The following PTPRG variants were observed in gnomAD, a reference collection of about 807,000 sequenced individuals.
PTPRG encodes the protein protein tyrosine phosphatase receptor type G, also known as receptor-type tyrosine-protein phosphatase gamma.
A neutral mutation model predicts 165.3 loss-of-function variants in PTPRG; 102 were observed. The observed-to-expected ratio is 0.62, with a 90% CI of 0.53 to 0.73. The LOEUF (loss-of-function observed/expected upper bound fraction) is 0.73, where lower values mean the gene tolerates loss of function less well. Among genes scored for constraint, PTPRG ranks in the 30% least tolerant of loss-of-function variants. PTPRG has a pLI of 0.00. For missense variants in PTPRG, 1,866 were observed against 1,861.4 expected, an observed-to-expected ratio of 1.00 and a Z score of -0.05; for synonymous variants, 675 against 669.5, an observed-to-expected ratio of 1.01 and a Z score of -0.13.
intron 2 of PTPRG, among the ~76,000 whole-genome samples, chr3:61,814,829 C>G (rs902764684): frequency 6.6e-6 from 1 of 151,364 alleles, no homozygotes. Flanking sequence ...TTGTGCCAAG[C>G]ATATTGTTAA....
rs34396141 is a variant in PTPRG at position 61,638,591 on chromosome 3, G to GTTTTTTTTTTTTTT, written c.85+76233_85+76246dup. Among the ~76,000 whole-genome samples the GTTTTTTTTTTTTTT allele has an allele frequency of 6.8e-5, 4 of 58,716 alleles. 1 individual carries two copies. The highest frequency in any genetic ancestry group is 3.1e-4 in the Admixed American group (1 of 3,248). The allele number at this position is 58,716 out of a possible 152,430, so 38.5% of individuals were successfully genotyped here. On this transcript the variant is annotated intron_variant, in intron 1 of 29. Transcript: ENST00000474889. ...AGGCACACACCACCATGCCTGGCTA[G>GTTTTTTTTTTTTTT]TTTTTTTTTTTTTTTTTTTTTTTTT...
chr3:61,642,843 A>C (rs544027723), intron 1 of PTPRG, among the ~76,000 whole-genome samples: 1 of 152,164 alleles, frequency 6.6e-6, no homozygotes, highest in Non-Finnish European at 1.5e-5. Flanking sequence ...CCATCAATGA[A>C]TTGATGGATC....
At chr3:62,074,352 C>CTTTTTTTTTTT (rs200189646) in intron 4 of PTPRG, among the ~76,000 whole-genome samples, 13 of 109,106 alleles carry the variant, frequency 1.2e-4, no homozygotes, top group South Asian at 2.9e-4. Flanking sequence ...TCTTTTCTTT[C>CTTTTTTTTTTT]TTTTTTTTTT....
At chr3:61,817,187 AAAT>A (rs1191391278) in intron 2 of PTPRG, among the ~76,000 whole-genome samples, 3 of 120,682 alleles carry the variant, frequency 2.5e-5, no homozygotes, top group African/African-American at 6.6e-5. Flanking sequence ...ATAATATATA[AAAT>A]AATATATATA....
chr3:61,615,144 C>T (rs751326098), intron 1 of PTPRG, among the ~76,000 whole-genome samples: 2 of 152,236 alleles, frequency 1.3e-5, no homozygotes, highest in African/African-American at 2.4e-5. Context: ...AGTCGTGTAT[C>T]ACAATACATC....
chr3:62,275,872 G>T lies in PTPRG; in HGVS notation c.3466-1G>T. On this transcript the variant is annotated splice_acceptor_variant, in intron 23 of 29. Coordinates refer to ENST00000474889, the MANE Select transcript of PTPRG (RefSeq NM_002841.4). LOFTEE classifies it high-confidence loss of function. ...AGACTAAAATGTTTTTTCTTTTTCA[G>T]CTGGTCACACAGTGTAATGCAAAAT... 6.3e-7 allele frequency: 1 copy of T among 1,594,160 alleles called. No individual in the cohort carries two copies. The highest frequency in any genetic ancestry group is 2.2e-5 in the East Asian group (1 of 44,594).
intron 1 of PTPRG, among the ~76,000 whole-genome samples, chr3:61,727,730 C>T (rs567309808): frequency 2.3e-4 from 35 of 152,302 alleles, no homozygotes; most frequent in African/African-American, 7.5e-4. Flanking sequence ...CAAGTCTTAA[C>T]TTTAATCCCA....
chr3:61,753,571 G>A, intron 2 of PTPRG: 1 of 431,090 alleles, frequency 2.3e-6, no homozygotes, highest in Non-Finnish European at 4.5e-6. Flanking sequence ...GTAACTTCAA[G>A]TAGAAATTTG....
At chr3:62,113,870 T>G (rs528001968) in intron 5 of PTPRG, among the ~76,000 whole-genome samples, 1 of 152,378 alleles carries the variant, frequency 6.6e-6, no homozygotes, top group East Asian at 1.9e-4. Flanking sequence ...GGTGCCATAA[T>G]TCATAGTAGG....
At position 61,608,285 on chromosome 3, in the gene PTPRG, G is replaced by A. The variant is rs144548963; in HGVS notation, c.85+45913G>A. Among the ~76,000 whole-genome samples, 77 of 152,320 alleles carry A rather than the reference G, an allele frequency of 5.1e-4. 1 individual carries two copies. The Middle Eastern group carries it at 0.01, about 20-fold the overall frequency. Reference sequence around the variant, plus strand: ...AGCAAGGGAGAAGCTGAGCCACTAGGGAGAAGCCCAGCAGTTGGGTAGAAG... The same window carrying A: ...AGCAAGGGAGAAGCTGAGCCACTAGAGAGAAGCCCAGCAGTTGGGTAGAAG... On this transcript the variant is annotated intron_variant, in intron 1 of 29. Transcript: ENST00000474889.
chr3:62,135,252 C>T (rs1703663131), intron 6 of PTPRG, among the ~76,000 whole-genome samples: 1 of 140,432 alleles, frequency 7.1e-6, no homozygotes, highest in Non-Finnish European at 1.5e-5. Flanking sequence ...GCCTGGGTGA[C>T]AGAGTGAGAT....
At chr3:61,855,607 G>A (rs970032030) in intron 2 of PTPRG, among the ~76,000 whole-genome samples, 1 of 144,134 alleles carries the variant, frequency 6.9e-6, no homozygotes, top group African/African-American at 2.5e-5. Context: ...TTATAGTCTT[G>A]TAATGTTTTA....
chr3:61,592,246 T>A (rs1232214956), intron 1 of PTPRG, among the ~76,000 whole-genome samples: 1 of 152,096 alleles, frequency 6.6e-6, no homozygotes, highest in Non-Finnish European at 1.5e-5. Context: ...GGATTACAGG[T>A]GTGAGCCACC....
intron 4 of PTPRG, among the ~76,000 whole-genome samples, chr3:62,031,337 T>C (rs1699762992): frequency 6.6e-6 from 1 of 151,362 alleles, no homozygotes; most frequent in Non-Finnish European, 1.5e-5. Context: ...TATAGAGGAG[T>C]TGGATAGGAG....
chr3:61,591,344 T>C (rs1184754724), intron 1 of PTPRG, among the ~76,000 whole-genome samples: 1 of 152,186 alleles, frequency 6.6e-6, no homozygotes, highest in Non-Finnish European at 1.5e-5. Flanking sequence ...CTTTTCTTCT[T>C]GTGGATGCTA....
intron 2 of PTPRG, among the ~76,000 whole-genome samples, chr3:61,898,263 C>T (rs1324433957): frequency 1.3e-5 from 2 of 152,168 alleles, no homozygotes; most frequent in African/African-American, 4.8e-5. Flanking sequence ...CTATATTGCC[C>T]AGGCTGGTCT....
At position 62,080,985 on chromosome 3, in the gene PTPRG, C is replaced by T. The variant is rs935697322; in HGVS notation, c.615+2727C>T. Among the ~76,000 whole-genome samples, 12 of 152,018 alleles carry T rather than the reference C, an allele frequency of 7.9e-5. No individual in the cohort carries two copies. In the South Asian group the frequency reaches 8.3e-4, roughly 11 times the overall value. On this transcript the variant is annotated intron_variant, in intron 5 of 29. Coordinates refer to ENST00000474889, the MANE Select transcript of PTPRG (RefSeq NM_002841.4). Reference sequence around the variant, plus strand: ...ATAGAACATAATTAGAGGCCGGGCGCGGTGGCTCACACCTGTAATCCCAGC... The same window carrying T: ...ATAGAACATAATTAGAGGCCGGGCGTGGTGGCTCACACCTGTAATCCCAGC...
chr3:61,611,501 A>T (rs1181267101), intron 1 of PTPRG, among the ~76,000 whole-genome samples: 1 of 152,128 alleles, frequency 6.6e-6, no homozygotes, highest in Non-Finnish European at 1.5e-5. Context: ...TTTCTAGTAG[A>T]CTTTTTGGAG....
intron 5 of PTPRG, among the ~76,000 whole-genome samples, chr3:62,121,749 A>G (rs1388477582): frequency 1.3e-5 from 2 of 152,206 alleles, no homozygotes; most frequent in African/African-American, 4.8e-5. Context: ...GAATTGAAAG[A>G]TCCTGAGCAC....
Sources: allele counts gnomAD v4.1 joint callset (sites outside exome capture counted in the v4.1 genomes callset), GRCh38; gene constraint gnomAD v4.1.1; transcripts MANE v1.5; gene names NCBI Gene and HGNC (gene_info 2026-07-23, HGNC 2026-07-21).